The following GRM7 variants were observed in gnomAD, a reference collection of about 807,000 sequenced individuals.
GRM7 encodes the protein glutamate metabotropic receptor 7.
In GRM7, 35 loss-of-function variants were observed where a neutral mutation model predicts 84.5. The observed-to-expected ratio is 0.41, with a 90% CI of 0.32 to 0.55. GRM7 has a LOEUF of 0.55. Among genes scored for constraint, GRM7 ranks in the 20% least tolerant of loss-of-function variants. The pLI, the probability that GRM7 is intolerant of heterozygous loss-of-function variation, is 0.19. For missense variants in GRM7, 1,003 were observed against 1,194.6 expected (o/e 0.84, Z 2.36); for synonymous variants, 487 against 455.1 (o/e 1.07, Z -0.89).
chr3:7,136,419 C>A (rs988462293), intron 1 of GRM7, among the ~76,000 whole-genome samples: 1 of 145,294 alleles, frequency 6.9e-6, no homozygotes, highest in African/African-American at 2.6e-5. Context: ...TTGTCAGGAA[C>A]TAAGGCCTAA....
intron 5 of GRM7, among the ~76,000 whole-genome samples, chr3:7,428,655 A>G (rs1696706586): frequency 6.6e-6 from 1 of 152,142 alleles, no homozygotes; most frequent in Non-Finnish European, 1.5e-5. Context: ...AGTCAGACAT[A>G]AGGTGTCCAA....
chr3:7,169,235 A>G (rs1050622997), intron 2 of GRM7, among the ~76,000 whole-genome samples: 1 of 152,188 alleles, frequency 6.6e-6, no homozygotes, highest in African/African-American at 2.4e-5. Context: ...GATGGAAACA[A>G]AAGAATATCA....
At chr3:7,276,251 A>G (rs7620271) in intron 2 of GRM7, among the ~76,000 whole-genome samples, 44,356 of 131,530 alleles carry the variant, frequency 0.34, 7,586 homozygotes, top group Admixed American at 0.46. Context: ...GTGTGTGTGT[A>G]TATATAATTG....
intron 7 of GRM7, among the ~76,000 whole-genome samples, chr3:7,509,213 T>TGA (rs146969100): frequency 6.6e-6 from 1 of 151,812 alleles, no homozygotes; most frequent in East Asian, 1.9e-4. Context: ...TAAGATATTT[T>TGA]GAGAGAGAGA....
At chr3:7,252,855 A>T (rs946110409) in intron 2 of GRM7, among the ~76,000 whole-genome samples, 10 of 149,922 alleles carry the variant, frequency 6.7e-5, no homozygotes, top group African/African-American at 1.7e-4. Context: ...CACCCAGCTA[A>T]TTTTTTTTGT....
intron 7 of GRM7, among the ~76,000 whole-genome samples, chr3:7,500,517 G>C (rs1054801966): frequency 2.6e-5 from 4 of 152,238 alleles, no homozygotes; most frequent in Non-Finnish European, 5.9e-5. Context: ...ACCTTATCCA[G>C]TCATCTCCAT....
intron 1 of GRM7, among the ~76,000 whole-genome samples, chr3:6,982,038 A>G (rs139111125): frequency 4.4e-4 from 67 of 152,300 alleles, no homozygotes; most frequent in African/African-American, 1.5e-3. Flanking sequence ...GAGACATGGA[A>G]TCAACCTAGG....
intron 4 of GRM7, among the ~76,000 whole-genome samples, chr3:7,328,150 A>C (rs1406059931): frequency 6.6e-6 from 1 of 152,198 alleles, no homozygotes; most frequent in African/African-American, 2.4e-5. Flanking sequence ...GAATTAGCAA[A>C]GATTTTTCCC....
At chr3:7,094,159 A>G (rs954527061) in intron 1 of GRM7, among the ~76,000 whole-genome samples, 1 of 152,152 alleles carries the variant, frequency 6.6e-6, no homozygotes, top group Non-Finnish European at 1.5e-5. Flanking sequence ...GAGACAGACA[A>G]TAAACAGATA....
At chr3:7,526,960 T>G (rs1175259129) in intron 7 of GRM7, among the ~76,000 whole-genome samples, 1 of 152,096 alleles carries the variant, frequency 6.6e-6, no homozygotes, top group Non-Finnish European at 1.5e-5. Context: ...TCAGGTGATG[T>G]GATTCATCTG....
chr3:7,394,299 T>A (rs1211486420), intron 4 of GRM7, among the ~76,000 whole-genome samples: 1 of 152,216 alleles, frequency 6.6e-6, no homozygotes, highest in African/African-American at 2.4e-5. Flanking sequence ...TCACACAGCA[T>A]TTCTTCTGCT....
intron 1 of GRM7, among the ~76,000 whole-genome samples, chr3:7,110,613 G>A (rs6785454): frequency 0.31 from 34,405 of 111,968 alleles, 4,938 homozygotes; most frequent in African/African-American, 0.49. Flanking sequence ...ACACACACAC[G>A]CACACAATTA....
intron 2 of GRM7, among the ~76,000 whole-genome samples, chr3:7,219,066 A>T (rs1696709218): frequency 1.3e-5 from 2 of 152,168 alleles, no homozygotes; most frequent in Non-Finnish European, 2.9e-5. Flanking sequence ...ATCATTAAAC[A>T]TATGTATAAG....
At chr3:7,176,919 A>G (rs893805187) in intron 2 of GRM7, among the ~76,000 whole-genome samples, 1 of 152,250 alleles carries the variant, frequency 6.6e-6, no homozygotes, top group Non-Finnish European at 1.5e-5. Flanking sequence ...GTAAAAGAAT[A>G]TAAGTTAACC....
Position 7,403,184 on chromosome 3 carries a change from A to G in GRM7, c.1034-11839A>G, listed in dbSNP as rs568028344. ...TCTGTCATTGCCTGGAGAAATGGGT[A>G]GGTGCCATTTGCTGAATTGATTAAT... On this transcript the variant is annotated intron_variant, in intron 4 of 9. Transcript: ENST00000357716. 1.1e-4 allele frequency: 51 copies of G among 446,500 alleles called. No individual in the cohort carries two copies. The East Asian group carries it at 2.0e-3, about 17-fold the overall frequency. 27.7% of individuals were successfully genotyped at this position (446,500 alleles called of 1,614,324 possible).
At chr3:7,468,491 T>C (rs1223200039) in intron 7 of GRM7, among the ~76,000 whole-genome samples, 1 of 152,146 alleles carries the variant, frequency 6.6e-6, no homozygotes, top group Non-Finnish European at 1.5e-5. Context: ...AAATAATATA[T>C]ATAACATGCT....
intron 2 of GRM7, among the ~76,000 whole-genome samples, chr3:7,231,044 G>T (rs952914664): frequency 6.6e-6 from 1 of 152,156 alleles, no homozygotes; most frequent in African/African-American, 2.4e-5. Flanking sequence ...AATTGCATGT[G>T]TGTGTTTGTG....
intron 1 of GRM7, among the ~76,000 whole-genome samples, chr3:7,028,967 G>A (rs1696081501): frequency 6.6e-6 from 1 of 152,140 alleles, no homozygotes; most frequent in Admixed American, 6.5e-5. Context: ...CAGCTGCTGT[G>A]GAAAACAGTA....
chr3:6,990,481 A>T (rs1307096650), intron 1 of GRM7, among the ~76,000 whole-genome samples: 1 of 152,128 alleles, frequency 6.6e-6, no homozygotes, highest in Non-Finnish European at 1.5e-5. Flanking sequence ...CTCCTTAGCA[A>T]ATCATCAGGC....
Sources: allele counts gnomAD v4.1 joint callset (sites outside exome capture counted in the v4.1 genomes callset), GRCh38; gene constraint gnomAD v4.1.1; transcripts MANE v1.5; gene names NCBI Gene and HGNC (gene_info 2026-07-23, HGNC 2026-07-21).